YEATS2: variants seen among roughly 807,000 people sequenced by gnomAD.
YEATS2 encodes YEATS domain containing 2.
YEATS2 carries 77 observed loss-of-function variants against 163.2 expected under a neutral mutation model. That is an observed-to-expected ratio of 0.47 (90% confidence interval 0.39 to 0.57). The LOEUF is 0.57. YEATS2 is among the 20% of genes least tolerant of loss of function. The probability of loss-of-function intolerance (pLI) is 0.00; values close to 1 mark genes in which losing one functional copy is unlikely to be tolerated. For synonymous variants in YEATS2, 631 were observed against 645.1 expected (o/e 0.98, Z 0.33); for missense variants, 1,549 against 1,729.8 (o/e 0.90, Z 1.85).
intron 17 of YEATS2, 36 bp from the exon 18 acceptor site, chr3:183,775,879 T>C (rs1560300752): frequency 1.2e-6 from 2 of 1,610,522 alleles, no homozygotes; most frequent in Non-Finnish European, 1.7e-6. Flanking sequence ...TGCTTGATAC[T>C]TTTTATGATG....
intron 13 of YEATS2, among the ~76,000 whole-genome samples, chr3:183,759,914 T>C (rs752273622): frequency 8.5e-5 from 13 of 152,212 alleles, no homozygotes; most frequent in Non-Finnish European, 1.8e-4. Context: ...TTTAGCTATT[T>C]GAAAATAATG....
chr3:183,794,577 A>C (rs1724959977), intron 21 of YEATS2, among the ~76,000 whole-genome samples: 1 of 152,206 alleles, frequency 6.6e-6, no homozygotes, highest in Non-Finnish European at 1.5e-5. Context: ...GTTATGTCCC[A>C]GTCAGCTGTT....
chr3:183,750,399 A>G (rs999097027), intron 9 of YEATS2, among the ~76,000 whole-genome samples: 2 of 152,242 alleles, frequency 1.3e-5, no homozygotes, highest in Admixed American at 1.3e-4. Context: ...GTAGGTGTAC[A>G]GGTATCTATT....
At chr3:183,710,501 G>T (rs562494088) in intron 1 of YEATS2, among the ~76,000 whole-genome samples, 2 of 152,288 alleles carry the variant, frequency 1.3e-5, no homozygotes, top group East Asian at 3.9e-4. Context: ...CCTCTTAAAT[G>T]TGTTTATAAG....
chr3:183,756,828 C>A, intron 12 of YEATS2, 139 bp downstream of exon 12: 1 of 763,256 alleles, frequency 1.3e-6, no homozygotes, highest in Non-Finnish European at 1.8e-6. Flanking sequence ...AAAAGGAAAG[C>A]CAATACTCTT....
chr3:183,703,672 A>G (rs7641472), intron 1 of YEATS2, among the ~76,000 whole-genome samples: 72,954 of 151,892 alleles, frequency 0.48, 19,946 homozygotes, highest in African/African-American at 0.75. Flanking sequence ...GATTTTTTTG[A>G]TAGGGCTTCT....
intron 21 of YEATS2, among the ~76,000 whole-genome samples, chr3:183,795,043 C>T (rs1725006717): frequency 6.6e-6 from 1 of 151,444 alleles, no homozygotes; most frequent in South Asian, 2.1e-4. Flanking sequence ...GTAGTTGTGC[C>T]TGTAGTCCCA....
Position 183,806,904 on chromosome 3 carries a change from C to T in YEATS2, c.3823C>T (p.Arg1275Cys), listed in dbSNP as rs1344433598. ...SSFSSADNLC[R>C]KLEDLQQFQK... ...ATTCTCCTCTGCTGACAACCTCTGC[C>T]GCAAACTGGAGGACCTGCAACAGTT... Residue 1275 changes from arginine to cysteine, a missense_variant, in exon 28 of 31, where the codon CGC becomes TGC. Arg to Cys is a radical substitution (Grantham distance 180). Coordinates refer to ENST00000305135, the MANE Select transcript of YEATS2 (RefSeq NM_018023.5). The T allele has an allele frequency of 5.6e-6, 9 of 1,613,976 alleles. No individual in the cohort carries two copies. Among genetic ancestry groups the T allele is most frequent in the Middle Eastern group, 1.7e-4 (1 of 6,060 alleles).
intron 21 of YEATS2, among the ~76,000 whole-genome samples, chr3:183,791,669 C>G (rs903551924): frequency 6.6e-6 from 1 of 151,982 alleles, no homozygotes; most frequent in Non-Finnish European, 1.5e-5. Context: ...AAATGTATAC[C>G]TTTCTTTGCT....
At chr3:183,766,131 G>T (rs1298465965) in intron 15 of YEATS2, among the ~76,000 whole-genome samples, 1 of 152,222 alleles carries the variant, frequency 6.6e-6, no homozygotes, top group African/African-American at 2.4e-5. Context: ...GAAGGAAGCA[G>T]TGTGTTAAAG....
chr3:183,773,482 G>A (rs1722678151), intron 16 of YEATS2, 151 bp from the exon 17 acceptor site: 5 of 750,676 alleles, frequency 6.7e-6, no homozygotes, highest in Non-Finnish European at 1.1e-5. Flanking sequence ...AAGAATATCA[G>A]TCTTTAAAGC....
intron 1 of YEATS2, among the ~76,000 whole-genome samples, chr3:183,708,826 T>C (rs1240379768): frequency 6.6e-6 from 1 of 152,194 alleles, no homozygotes; most frequent in African/African-American, 2.4e-5. Flanking sequence ...CTTGTGCCAC[T>C]GTACTCCAGT....
rs142660512 is a variant in YEATS2, at chr3:183,777,113, T to G, written c.2578-429T>G. 2.6e-4 allele frequency among the ~76,000 whole-genome samples: 40 copies of G among 152,324 alleles called. No homozygotes were observed. In the East Asian group the frequency reaches 7.7e-3, roughly 29 times the overall value. ...GAAGGGAGTGATCAAAGAGATGGTA[T>G]CAAGTTGTAATATTTAGAGTTAAGT... On this transcript the variant is annotated intron_variant, in intron 18 of 30. Coordinates refer to ENST00000305135, the MANE Select transcript of YEATS2 (RefSeq NM_018023.5).
intron 6 of YEATS2, among the ~76,000 whole-genome samples, chr3:183,725,132 T>C (rs1168233134): frequency 6.6e-6 from 1 of 151,628 alleles, no homozygotes; most frequent in Non-Finnish European, 1.5e-5. Flanking sequence ...ATTTGGATAT[T>C]ATTTTCTCTG....
intron 8 of YEATS2, among the ~76,000 whole-genome samples, chr3:183,738,962 C>A (rs1259203370): frequency 2.1e-5 from 3 of 143,872 alleles, no homozygotes; most frequent in East Asian, 2.1e-4. Context: ...GTTCTAGATC[C>A]CTGAGGAATC....
intron 19 of YEATS2, among the ~76,000 whole-genome samples, chr3:183,778,535 T>C (rs1394867940): frequency 6.6e-6 from 1 of 152,100 alleles, no homozygotes; most frequent in Non-Finnish European, 1.5e-5. Flanking sequence ...TTTGTGTTTT[T>C]AGTAGAGATG....
At position 183,812,088 on chromosome 3, in the gene YEATS2, A is replaced by T. The variant is rs1292576158; in HGVS notation, c.*1505A>T. 1.3e-5 allele frequency: 2 copies of T among 152,174 alleles called. No homozygotes were observed. Among genetic ancestry groups the T allele is most frequent in the African/African-American group, 4.8e-5 (2 of 41,408 alleles). 9.4% of individuals were successfully genotyped at this position (152,174 alleles called of 1,614,324 possible). On this transcript the variant is annotated 3_prime_UTR_variant, in exon 31 of 31. Transcript: ENST00000305135. ...GTCTCTACTAAAAATACAGAAAATTAGCTGGGCATGGTGGTGTGTGCCTGT... is the reference window on the plus strand; with the variant it reads ...GTCTCTACTAAAAATACAGAAAATTTGCTGGGCATGGTGGTGTGTGCCTGT...
At chr3:183,722,620 C>A (rs1182490551) in intron 5 of YEATS2, among the ~76,000 whole-genome samples, 1 of 150,454 alleles carries the variant, frequency 6.6e-6, no homozygotes, top group Non-Finnish European at 1.5e-5. Context: ...TTTTACTTGC[C>A]CAAAAGTGTC....
chr3:183,779,363 A>T (rs2108426363), intron 19 of YEATS2, among the ~76,000 whole-genome samples: 2 of 152,334 alleles, frequency 1.3e-5, no homozygotes, highest in South Asian at 4.1e-4. Flanking sequence ...TTAAACAGAT[A>T]CAAGGCCCTG....
Sources: gnomAD v4.1 joint callset for allele counts (sites outside exome capture counted in the v4.1 genomes callset) on GRCh38, gnomAD v4.1.1 for gene constraint, MANE v1.5 for transcripts, NCBI Gene and HGNC (gene_info 2026-07-23, HGNC 2026-07-21) for gene names.